The following DDAH1 variants were observed in gnomAD, a reference collection of about 807,000 sequenced individuals.
DDAH1 encodes dimethylarginine dimethylaminohydrolase 1.
A neutral mutation model predicts 28.8 loss-of-function variants in DDAH1; 19 were observed. The ratio of observed to expected loss-of-function variants is 0.66; its 90% CI spans 0.46 to 0.97. The LOEUF is 0.97. DDAH1 is among the 50% of genes least tolerant of loss of function. The pLI is 0.00. For synonymous variants in DDAH1, 153 were observed against 154.4 expected (o/e 0.99, Z 0.07); for missense variants, 326 against 375.9 (o/e 0.87, Z 1.10).
chr1:85,455,232 T>A (rs1012437566), intron 1 of DDAH1, among the ~76,000 whole-genome samples: 1 of 152,222 alleles, frequency 6.6e-6, no homozygotes, highest in Non-Finnish European at 1.5e-5. Flanking sequence ...CCTGAAATGA[T>A]GGTTCCCTTA....
rs1652441827 is a variant in DDAH1, at chr1:85,407,060, A to G, written c.304-48213T>C. Among the ~76,000 whole-genome samples, 4 of 152,054 alleles carry G rather than the reference A, an allele frequency of 2.6e-5. 1 individual carries two copies. Among genetic ancestry groups the G allele is most frequent in the Non-Finnish European group, 5.9e-5 (4 of 68,002 alleles). Reference sequence around the variant, plus strand: ...TTTGTTTTTCATGTGTCCACTTTTTAAATGTTTCCATTTCCTCCACACACA... The same window carrying G: ...TTTGTTTTTCATGTGTCCACTTTTTGAATGTTTCCATTTCCTCCACACACA... On this transcript the variant is annotated intron_variant, in intron 1 of 5. Transcript: ENST00000284031.
intron 4 of DDAH1, among the ~76,000 whole-genome samples, chr1:85,345,596 T>G (rs1247671976): frequency 6.6e-6 from 1 of 152,136 alleles, no homozygotes; most frequent in East Asian, 1.9e-4. Flanking sequence ...TGTGTTGTGG[T>G]GGCCAGGCCT....
chr1:85,321,362 G>C lies in DDAH1; in HGVS notation c.*90C>G. ...CAAGAGTTAGTAGCACAGTGGCACAGTAGATTGTCAAGGAAAACAACAGGA... is the reference window on the plus strand; with the variant it reads ...CAAGAGTTAGTAGCACAGTGGCACACTAGATTGTCAAGGAAAACAACAGGA... On this transcript the variant is annotated 3_prime_UTR_variant, in exon 6 of 6. Coordinates refer to ENST00000284031, the MANE Select transcript of DDAH1 (RefSeq NM_012137.4). 1 of 833,562 alleles carries C rather than the reference G, an allele frequency of 1.2e-6. No homozygotes were observed. The allele number at this position is 833,562 out of a possible 1,614,324, so 51.6% of individuals were successfully genotyped here. A position where few individuals can be genotyped will look rare whatever the true frequency, so the allele number is the denominator to read the frequency against.
At chr1:85,504,799 G>A (rs1656952092) in intron 1 of DDAH1, among the ~76,000 whole-genome samples, 2 of 151,984 alleles carry the variant, frequency 1.3e-5, no homozygotes, top group South Asian at 4.2e-4. Context: ...AAGGATGATG[G>A]CAATGTTTCC....
At chr1:85,533,830 C>T (rs1658175131) in intron 1 of DDAH1, among the ~76,000 whole-genome samples, 1 of 152,106 alleles carries the variant, frequency 6.6e-6, no homozygotes, top group Non-Finnish European at 1.5e-5. Context: ...AGACAATGTG[C>T]AAAAAGCCCT....
intron 1 of DDAH1, among the ~76,000 whole-genome samples, chr1:85,371,983 A>G: frequency 6.6e-6 from 1 of 150,938 alleles, no homozygotes; most frequent in Non-Finnish European, 1.5e-5. Flanking sequence ...GAACACTGGG[A>G]TGATTTCTGG....
chr1:85,517,789 C>T (rs1436841525), intron 1 of DDAH1, among the ~76,000 whole-genome samples: 13 of 152,110 alleles, frequency 8.5e-5, no homozygotes, highest in African/African-American at 3.1e-4. Flanking sequence ...AGAATAGCGC[C>T]CTCGGAGAAA....
At chr1:85,481,610 A>G (rs1413801443) in intron 2 of DDAH1, among the ~76,000 whole-genome samples, 1 of 152,230 alleles carries the variant, frequency 6.6e-6, no homozygotes, top group Non-Finnish European at 1.5e-5. Flanking sequence ...ATTTTGTAGT[A>G]AGATATAGAT....
chr1:85,473,007 A>G (rs1219265118), intron 2 of DDAH1, among the ~76,000 whole-genome samples: 1 of 152,234 alleles, frequency 6.6e-6, no homozygotes, highest in Non-Finnish European at 1.5e-5. Flanking sequence ...TAATTCACTT[A>G]GGATAATGAC....
Position 85,372,605 on chromosome 1 carries a change from T to G in DDAH1, c.304-13758A>C, listed in dbSNP as rs369268875. On this transcript the variant is annotated intron_variant, in intron 1 of 5. Transcript: ENST00000284031. ...TTTTTCTCCTTTTAAAAAAGTTATT[T>G]TTTACTTCTAATTTATCACTAAATA... 2.0e-4 allele frequency among the ~76,000 whole-genome samples: 30 copies of G among 152,266 alleles called. 1 individual carries two copies. Among genetic ancestry groups the G allele is most frequent in the East Asian group, 1.5e-3 (8 of 5,174 alleles).
At chr1:85,370,346 G>A (rs1421045797) in intron 1 of DDAH1, among the ~76,000 whole-genome samples, 1 of 152,226 alleles carries the variant, frequency 6.6e-6, no homozygotes, top group Non-Finnish European at 1.5e-5. Context: ...TATTTAAGAT[G>A]TCCAGTCAGT....
intron 1 of DDAH1, among the ~76,000 whole-genome samples, chr1:85,499,630 G>C (rs543321946): frequency 6.7e-6 from 1 of 150,138 alleles, no homozygotes; most frequent in African/African-American, 2.5e-5. Context: ...AGCCAAGATC[G>C]CACCACTGCA....
chr1:85,538,314 AAACATCAGGATAGTACC>A (rs1157498583), intron 1 of DDAH1, among the ~76,000 whole-genome samples: 1 of 152,216 alleles, frequency 6.6e-6, no homozygotes, highest in Non-Finnish European at 1.5e-5. Flanking sequence ...ATGAAAAGAG[AAACATCAGGATAGTACC>A]AAAAGCTGAG....
intron 1 of DDAH1, among the ~76,000 whole-genome samples, chr1:85,536,416 G>A (rs1237045834): frequency 6.6e-6 from 1 of 151,836 alleles, no homozygotes; most frequent in African/African-American, 2.4e-5. Context: ...AGCTGGGTGT[G>A]GGGGCACATG....
rs1649130999 is a variant in DDAH1, at chr1:85,350,398, C to A, written c.597+17G>T. Reference sequence around the variant, plus strand: ...GCACCCCCACTACATTTAGAAGGAGCACAGTTTTGTATTTACCTTAAGGGC... The same window carrying A: ...GCACCCCCACTACATTTAGAAGGAGAACAGTTTTGTATTTACCTTAAGGGC... On this transcript the variant is annotated intron_variant, in intron 4 of 5. Transcript: ENST00000284031. 6.2e-7 allele frequency: 1 copy of A among 1,609,328 alleles called. No homozygotes were observed. Among genetic ancestry groups the A allele is most frequent in the African/African-American group, 1.3e-5 (1 of 74,778 alleles).
intron 1 of DDAH1, among the ~76,000 whole-genome samples, chr1:85,548,800 G>A (rs1462388863): frequency 6.6e-6 from 1 of 152,194 alleles, no homozygotes; most frequent in African/African-American, 2.4e-5. Context: ...ACACAAAAGT[G>A]AATATCCTCT....
rs1661239521 is a variant in DDAH1 at position 85,319,625 on chromosome 1, C to T, written c.*1827G>A. 1 of 152,154 alleles carries T rather than the reference C, an allele frequency of 6.6e-6. No individual in the cohort carries two copies. 9.4% of individuals were successfully genotyped at this position (152,154 alleles called of 1,614,324 possible). The stretch of plus-strand genomic sequence containing the variant: ...CTTGGGCATGTGGCTAACATTCGTT[C>T]TCTCTCTGGTAAAAAGATATTATTC... On this transcript the variant is annotated 3_prime_UTR_variant, in exon 6 of 6. Coordinates refer to ENST00000284031, the MANE Select transcript of DDAH1 (RefSeq NM_012137.4).
In DDAH1 at chr1:85,498,039, A is replaced by G. The variant is rs144446467; in HGVS notation, c.-122-1758T>C. ...CTTCCAGAAGGAAATATATCTCTTC[A>G]AATTATACTTCATTAATAGTGAAGC... is the stretch of plus-strand genomic sequence containing the variant. On this transcript the variant is annotated intron_variant, in intron 1 of 6. Transcript: ENST00000426972. Among the ~76,000 whole-genome samples, 532 of 152,348 alleles carry G rather than the reference A, an allele frequency of 3.5e-3. 2 individuals carry two copies. Among genetic ancestry groups the G allele is most frequent in the African/African-American group, 0.012 (509 of 41,584 alleles).
intron 1 of DDAH1, among the ~76,000 whole-genome samples, chr1:85,534,952 A>T (rs1347172712): frequency 6.6e-6 from 1 of 152,142 alleles, no homozygotes; most frequent in African/African-American, 2.4e-5. Context: ...CGTGACCAAA[A>T]ACACAGTGTA....
Sources: allele counts gnomAD v4.1 joint callset (sites outside exome capture counted in the v4.1 genomes callset), GRCh38; gene constraint gnomAD v4.1.1; transcripts MANE v1.5; gene names NCBI Gene and HGNC (gene_info 2026-07-23, HGNC 2026-07-21).